The following IL1RAPL1 variants were observed in gnomAD, a reference collection of about 807,000 sequenced individuals.
The protein encoded by IL1RAPL1 is interleukin 1 receptor accessory protein like 1, also known as interleukin-1 receptor accessory protein-like 1.
In IL1RAPL1, 3 loss-of-function variants were observed where a neutral mutation model predicts 48.4. The ratio of observed to expected loss-of-function variants is 0.06; its 90% CI spans 0.03 to 0.16. IL1RAPL1 has a LOEUF of 0.16. Among genes scored for constraint, IL1RAPL1 ranks in the 10% least tolerant of loss-of-function variants. The pLI is 1.00. For synonymous variants in IL1RAPL1, 185 were observed against 187.7 expected, an observed-to-expected ratio of 0.99 and a Z score of 0.12; for missense variants, 349 against 530.6, an observed-to-expected ratio of 0.66 and a Z score of 3.36.
At chrX:29,936,100 C>T (rs1411022944) in intron 8 of IL1RAPL1, among the ~76,000 whole-genome samples, 1 of 109,779 alleles carries the variant, frequency 9.1e-6, no homozygotes, top group East Asian at 2.9e-4. Context: ...GTGTTTCCCC[C>T]ACCCCCCGCA....
At chrX:28,599,123 C>T (rs896716736) in intron 1 of IL1RAPL1, among the ~76,000 whole-genome samples, 12 of 108,426 alleles carry the variant, frequency 1.1e-4, no homozygotes, top group Admixed American at 7.8e-4. Context: ...TTCTTGTGAT[C>T]CCAGCCGGCT....
intron 6 of IL1RAPL1, among the ~76,000 whole-genome samples, chrX:29,906,357 A>AC (rs1258442589): frequency 1.2e-5 from 1 of 81,427 alleles, no homozygotes; most frequent in African/African-American, 4.7e-5. Flanking sequence ...AAACAACAAA[A>AC]AAAAAAACAT....
At chrX:29,132,285 A>G (rs974949540) in intron 2 of IL1RAPL1, among the ~76,000 whole-genome samples, 7 of 112,119 alleles carry the variant, frequency 6.2e-5, no homozygotes, top group African/African-American at 2.3e-4. Context: ...ATTTTGGTCA[A>G]TGATGGACCA....
intron 5 of IL1RAPL1, among the ~76,000 whole-genome samples, chrX:29,413,826 A>G (rs775207285): frequency 1.8e-5 from 2 of 110,554 alleles, no homozygotes; most frequent in Non-Finnish European, 3.8e-5. Flanking sequence ...ATGAATTTCA[A>G]TGTCTTTAAC....
chrX:29,382,920 A>C (rs16988526), intron 3 of IL1RAPL1, among the ~76,000 whole-genome samples: 1,847 of 112,193 alleles, frequency 0.016, 42 homozygotes, highest in African/African-American at 0.057. Context: ...CTGCATTCAC[A>C]GTAGGATAAG....
At chrX:28,986,542 A>T (rs1349998423) in intron 2 of IL1RAPL1, among the ~76,000 whole-genome samples, 1 of 112,051 alleles carries the variant, frequency 8.9e-6, no homozygotes, top group Non-Finnish European at 1.9e-5. Context: ...ATAAAAATAT[A>T]TTTATCAGTG....
At chrX:29,157,135 G>A (rs988704074) in intron 2 of IL1RAPL1, among the ~76,000 whole-genome samples, 2 of 111,320 alleles carry the variant, frequency 1.8e-5, no homozygotes, top group African/African-American at 6.5e-5. Context: ...GTGGGTAGGT[G>A]AATGGGACAG....
chrX:28,669,600 A>C (rs957930566), intron 1 of IL1RAPL1, among the ~76,000 whole-genome samples: 1 of 106,379 alleles, frequency 9.4e-6, no homozygotes, highest in African/African-American at 3.4e-5. Context: ...CCTGGGTGAC[A>C]GAGTGAGAGG....
chrX:29,366,263 C>G (rs6630850), intron 3 of IL1RAPL1, among the ~76,000 whole-genome samples: 1 of 110,718 alleles, frequency 9.0e-6, no homozygotes, highest in Non-Finnish European at 1.9e-5. Context: ...AGGACCCCTT[C>G]TAGGTCCACA....
chrX:29,802,293 T>TGAGAA (rs1208558761), intron 6 of IL1RAPL1, among the ~76,000 whole-genome samples: 1 of 112,262 alleles, frequency 8.9e-6, no homozygotes, highest in African/African-American at 3.2e-5. Context: ...GATTTTTAGA[T>TGAGAA]GAGAAAGTAA....
chrX:28,860,302 G>A (rs1921908316), intron 2 of IL1RAPL1, among the ~76,000 whole-genome samples: 1 of 110,834 alleles, frequency 9.0e-6, no homozygotes. Context: ...GTTAAATGGG[G>A]CTAATAATAC....
intron 2 of IL1RAPL1, among the ~76,000 whole-genome samples, chrX:29,198,484 C>T (rs899283100): frequency 2.7e-5 from 3 of 109,415 alleles, no homozygotes; most frequent in East Asian, 2.9e-4. Flanking sequence ...TTAGTAGACA[C>T]GGAGTTTCAC....
chrX:28,787,108 T>G (rs2147264187), intron 1 of IL1RAPL1, among the ~76,000 whole-genome samples: 1 of 112,368 alleles, frequency 8.9e-6, no homozygotes, highest in East Asian at 2.8e-4. Flanking sequence ...ATTACCAAAT[T>G]GATGCTTTCC....
At chrX:29,591,760 A>G (rs1353429968) in intron 5 of IL1RAPL1, among the ~76,000 whole-genome samples, 1 of 112,646 alleles carries the variant, frequency 8.9e-6, no homozygotes, top group Non-Finnish European at 1.9e-5. Flanking sequence ...CGGAGCAGCA[A>G]TTTGCAGGCC....
rs886601684 is a variant in IL1RAPL1 at position 28,602,224 on chromosome X, T to C, written c.-25+14177T>C. 4.7e-4 allele frequency among the ~76,000 whole-genome samples: 53 copies of C among 112,125 alleles called. 1 individual carries two copies. The highest frequency in any genetic ancestry group is 8.8e-4 in the Non-Finnish European group (47 of 53,255). On this transcript the variant is annotated intron_variant, in intron 1 of 10. Coordinates refer to ENST00000378993, the MANE Select transcript of IL1RAPL1 (RefSeq NM_014271.4). The stretch of plus-strand genomic sequence containing the variant: ...GTGTGTATGGACCTATATATTTTAT[T>C]GTTTCAAATACAAATTGTGAAGCTT...
rs753369671 is a variant in IL1RAPL1, at chrX:29,587,431, TAGATAGGAAGAGTA to T, written c.704-80996_704-80983del. ...TGGTCAAAGGGCACAAAATTTCAAT[TAGATAGGAAGAGTA>T]AGTTTAAACGATGTATTGTATAACA... On this transcript the variant is annotated intron_variant, in intron 5 of 10. Coordinates refer to ENST00000378993, the MANE Select transcript of IL1RAPL1 (RefSeq NM_014271.4). Among the ~76,000 whole-genome samples the T allele has an allele frequency of 4.4e-4, 48 of 110,289 alleles. No homozygotes were observed. The East Asian group carries it at 0.013, about 29-fold the overall frequency.
In IL1RAPL1 at chrX:29,562,094, TATCTATCTATCTATCTATCTA is replaced by T. The variant is rs1229401458; in HGVS notation, c.704-106314_704-106294del. Among the ~76,000 whole-genome samples the T allele has an allele frequency of 5.0e-3, 349 of 69,307 alleles. 7 individuals are homozygous for T. Among genetic ancestry groups the T allele is most frequent in the African/African-American group, 0.019 (314 of 16,122 alleles). The allele number at this position is 69,307 out of a possible 115,157, so 60.2% of individuals were successfully genotyped here. A position where few individuals can be genotyped will look rare whatever the true frequency, so the allele number is the denominator to read the frequency against. The stretch of plus-strand genomic sequence containing the variant: ...TATCTATCTATCTAATCTATCTGTC[TATCTATCTATCTATCTATCTA>T]ATCTATCTATCTATCTATCTATCTA... On this transcript the variant is annotated intron_variant, in intron 5 of 10. Transcript: ENST00000378993.
chrX:29,235,093 T>C (rs1188689071), intron 2 of IL1RAPL1, among the ~76,000 whole-genome samples: 1 of 111,819 alleles, frequency 8.9e-6, no homozygotes, highest in Non-Finnish European at 1.9e-5. Context: ...CTTCCCGGTC[T>C]CAGTTTGGTT....
chrX:29,627,783 A>G (rs1230625284), intron 5 of IL1RAPL1, among the ~76,000 whole-genome samples: 2 of 112,154 alleles, frequency 1.8e-5, no homozygotes, highest in Non-Finnish European at 3.8e-5. Context: ...CACTTTAGTA[A>G]CTGTCTTTAG....
Sources: allele counts gnomAD v4.1 joint callset (sites outside exome capture counted in the v4.1 genomes callset), GRCh38; gene constraint gnomAD v4.1.1; transcripts MANE v1.5; gene names NCBI Gene and HGNC (gene_info 2026-07-23, HGNC 2026-07-21).